The following ZDHHC20 variants were observed in gnomAD, a reference collection of about 807,000 sequenced individuals.
The protein encoded by ZDHHC20 is palmitoyltransferase ZDHHC20.
ZDHHC20 carries 43 observed loss-of-function variants against 57.8 expected under a neutral mutation model. The ratio of observed to expected loss-of-function variants is 0.74; its 90% CI spans 0.58 to 0.96. The LOEUF (loss-of-function observed/expected upper bound fraction) is 0.96, where lower values mean the gene tolerates loss of function less well. Among genes scored for constraint, ZDHHC20 ranks in the 40% least tolerant of loss-of-function variants. The probability of loss-of-function intolerance (pLI) is 0.00; values close to 1 mark genes in which losing one functional copy is unlikely to be tolerated. For missense variants in ZDHHC20, 391 were observed against 441.1 expected (o/e 0.89, Z 1.02); for synonymous variants, 157 against 153.0 (o/e 1.03, Z -0.19).
At chr13:21,427,892 G>C (rs1262186033) in intron 1 of ZDHHC20, among the ~76,000 whole-genome samples, 2 of 150,256 alleles carry the variant, frequency 1.3e-5, no homozygotes, top group Non-Finnish European at 3.0e-5. Context: ...TCTTCACAGA[G>C]GACTTTCCTG....
intron 2 of ZDHHC20, among the ~76,000 whole-genome samples, chr13:21,421,817 A>G (rs1360048722): frequency 1.3e-5 from 2 of 152,146 alleles, no homozygotes. Context: ...AGCAAGAACT[A>G]TCTATCAGAT....
At chr13:21,407,318 C>T (rs184658894) in intron 4 of ZDHHC20, among the ~76,000 whole-genome samples, 6 of 152,248 alleles carry the variant, frequency 3.9e-5, no homozygotes, top group Non-Finnish European at 8.8e-5. Context: ...TTAATGATCG[C>T]CATTCTAACT....
intron 4 of ZDHHC20, among the ~76,000 whole-genome samples, chr13:21,404,602 A>C (rs1363969884): frequency 6.6e-6 from 1 of 151,986 alleles, no homozygotes; most frequent in Non-Finnish European, 1.5e-5. Flanking sequence ...AAAATACAAA[A>C]AATTAGCTGG....
At chr13:21,431,837 A>T (rs1215536151) in intron 1 of ZDHHC20, among the ~76,000 whole-genome samples, 1 of 152,154 alleles carries the variant, frequency 6.6e-6, no homozygotes, top group Non-Finnish European at 1.5e-5. Context: ...TGAGTTCTTC[A>T]TATATTCTGG....
chr13:21,375,377 A>G lies in ZDHHC20; in HGVS notation c.*1319T>C, dbSNP rs1871914715. 3.0e-6 allele frequency: 1 copy of G among 334,510 alleles called. No individual in the cohort carries two copies. Among genetic ancestry groups the G allele is most frequent in the Admixed American group, 4.2e-5 (1 of 23,716 alleles). The allele number at this position is 334,510 out of a possible 1,614,324, so 20.7% of individuals were successfully genotyped here. A position where few individuals can be genotyped will look rare whatever the true frequency, so the allele number is the denominator to read the frequency against. ...TGTGTGTGTGTGTGTCTGTCTGTCT[A>G]AAAGGTGTAAATGAGGAGTGACATT... On this transcript the variant is annotated 3_prime_UTR_variant, in exon 13 of 13. Coordinates refer to ENST00000400590, the MANE Select transcript of ZDHHC20 (RefSeq NM_001330059.2).
Position 21,387,650 on chromosome 13 carries a change from A to G in ZDHHC20, c.728-16T>C, listed in dbSNP as rs371945998. 2.2e-6 allele frequency: 3 copies of G among 1,344,606 alleles called. No individual in the cohort carries two copies. The highest frequency in any genetic ancestry group is 2.9e-6 in the Non-Finnish European group (3 of 1,038,202). The allele number at this position is 1,344,606 out of a possible 1,614,324, so 83.3% of individuals were successfully genotyped here. A position where few individuals can be genotyped will look rare whatever the true frequency, so the allele number is the denominator to read the frequency against. On this transcript the variant is annotated splice_polypyrimidine_tract_variant and intron_variant, in intron 8 of 12. Transcript: ENST00000400590. ...CGGAATGATTCTGTTAAATATACAT[A>G]CATATATAAACTAATTAATCTATTT...
intron 10 of ZDHHC20, among the ~76,000 whole-genome samples, chr13:21,382,661 T>C (rs908256836): frequency 1.2e-4 from 18 of 152,260 alleles, no homozygotes; most frequent in African/African-American, 4.1e-4. Context: ...CCAGCTTTAT[T>C]TGATTATCCT....
At chr13:21,441,362 G>A (rs1200971480) in intron 1 of ZDHHC20, among the ~76,000 whole-genome samples, 1 of 149,992 alleles carries the variant, frequency 6.7e-6, no homozygotes, top group East Asian at 1.9e-4. Context: ...GATATGGATA[G>A]TTCTCTTCCA....
intron 1 of ZDHHC20, among the ~76,000 whole-genome samples, chr13:21,442,738 G>C (rs1883307226): frequency 6.6e-6 from 1 of 151,848 alleles, no homozygotes; most frequent in Non-Finnish European, 1.5e-5. Flanking sequence ...CTGGACGACA[G>C]AGCGAGACTC....
At chr13:21,434,114 CTG>C (rs1882298426) in intron 1 of ZDHHC20, among the ~76,000 whole-genome samples, 1 of 151,642 alleles carries the variant, frequency 6.6e-6, no homozygotes, top group South Asian at 2.1e-4. Flanking sequence ...GTCTGTGTGT[CTG>C]TGTGTGTGCG....
chr13:21,458,000 G>C (rs1347037161), intron 1 of ZDHHC20, among the ~76,000 whole-genome samples: 1 of 152,162 alleles, frequency 6.6e-6, no homozygotes, highest in Non-Finnish European at 1.5e-5. Context: ...ATAAAAAATT[G>C]ATATAGGCAG....
intron 1 of ZDHHC20, among the ~76,000 whole-genome samples, chr13:21,431,332 A>C (rs1246352338): frequency 6.6e-6 from 1 of 152,194 alleles, no homozygotes; most frequent in African/African-American, 2.4e-5. Context: ...AGACTCATTC[A>C]CTACCACGAG....
intron 7 of ZDHHC20, among the ~76,000 whole-genome samples, chr13:21,396,693 C>T (rs1482931313): frequency 2.0e-5 from 3 of 151,910 alleles, no homozygotes; most frequent in Non-Finnish European, 2.9e-5. Flanking sequence ...ATTAACCAGG[C>T]GTGGTGGTGC....
chr13:21,413,896 C>A (rs1879569102), intron 3 of ZDHHC20, 124 bp from the exon 4 acceptor site: 5 of 615,122 alleles, frequency 8.1e-6, no homozygotes, highest in Non-Finnish European at 1.1e-5. Flanking sequence ...AACTTGTCTT[C>A]AAAAAAAAGC....
chr13:21,430,954 T>C (rs1881844079), intron 1 of ZDHHC20, among the ~76,000 whole-genome samples: 1 of 152,196 alleles, frequency 6.6e-6, no homozygotes, highest in South Asian at 2.1e-4. Flanking sequence ...GTCTCAGAAC[T>C]GGAAGTCCCT....
intron 8 of ZDHHC20, among the ~76,000 whole-genome samples, chr13:21,390,698 G>C (rs1248852758): frequency 6.6e-6 from 1 of 152,098 alleles, no homozygotes; most frequent in Non-Finnish European, 1.5e-5. Context: ...CCAGGAGTTT[G>C]AGACAGGCCT....
chr13:21,437,346 T>A (rs1184161214), intron 1 of ZDHHC20, among the ~76,000 whole-genome samples: 1 of 152,206 alleles, frequency 6.6e-6, no homozygotes, highest in East Asian at 1.9e-4. Flanking sequence ...GCTATATTAG[T>A]CCATTTTCAC....
chr13:21,413,714 T>C lies in ZDHHC20; in HGVS notation c.308A>G (p.Gln103Arg). The change falls in exon 4 of 13, where the codon CAA (glutamine) becomes CGA (arginine). Residue 103 changes from glutamine (Q) to arginine (R), a missense_variant. Physicochemically the swap from Gln to Arg is conservative, Grantham distance 43. Around this residue, in one of 3 missense-constraint regions of ZDHHC20, gnomAD observed 185 missense variants for 188.0 expected, o/e 0.98. Coordinates refer to ENST00000400590, the MANE Select transcript of ZDHHC20 (RefSeq NM_001330059.2). ...RYEKEFSQER[Q>R]QEILRRAARA... ...TGCTGCTCTTCTCAAAATTTCTTGT[T>C]GTCTTTCTTGGCTGAATTCTTTTTC... 2 of 1,611,968 alleles carry C rather than the reference T, an allele frequency of 1.2e-6. No individual in the cohort carries two copies. The highest frequency in any genetic ancestry group is 1.7e-6 in the Non-Finnish European group (2 of 1,179,270).
chr13:21,386,553 T>G (rs1025893413), intron 9 of ZDHHC20, among the ~76,000 whole-genome samples: 9 of 152,182 alleles, frequency 5.9e-5, no homozygotes, highest in African/African-American at 2.2e-4. Flanking sequence ...TCTAAAATTT[T>G]TTGTTTTGTT....
Sources: gnomAD v4.1 joint callset for allele counts (sites outside exome capture counted in the v4.1 genomes callset) on GRCh38, gnomAD v4.1.1 for gene constraint, gnomAD v4.1.1 regional missense constraint, MANE v1.5 for transcripts, NCBI Gene and HGNC (gene_info 2026-07-23, HGNC 2026-07-21) for gene names.